The following RBFOX2 variants were observed in gnomAD, a reference collection of about 807,000 sequenced individuals.
The protein encoded by RBFOX2 is RNA binding protein fox-1 homolog 2.
A neutral mutation model predicts 49.1 loss-of-function variants in RBFOX2; 10 were observed. The ratio of observed to expected loss-of-function variants is 0.20; its 90% CI spans 0.13 to 0.35. The LOEUF (loss-of-function observed/expected upper bound fraction) is 0.35. RBFOX2 is among the 10% of genes least tolerant of loss of function. RBFOX2 has a pLI of 1.00. For missense variants in RBFOX2, 323 were observed against 486.9 expected (o/e 0.66, Z 3.17); for synonymous variants, 183 against 187.4 (o/e 0.98, Z 0.19).
intron 1 of RBFOX2, among the ~76,000 whole-genome samples, chr22:36,026,537 T>TACATAC (rs1556557810): frequency 7.4e-6 from 1 of 135,476 alleles, no homozygotes; most frequent in Non-Finnish European, 1.5e-5. Flanking sequence ...GATAAATGAA[T>TACATAC]ACATACACAC....
At chr22:35,900,006 C>T (rs2048372868) in intron 1 of RBFOX2, among the ~76,000 whole-genome samples, 1 of 152,154 alleles carries the variant, frequency 6.6e-6, no homozygotes, top group African/African-American at 2.4e-5. Context: ...TTCCTGAATT[C>T]CTACATCTCA....
intron 1 of RBFOX2, among the ~76,000 whole-genome samples, chr22:35,813,233 T>C (rs947715021): frequency 6.6e-6 from 1 of 152,218 alleles, no homozygotes. Context: ...TTTCCCCAAG[T>C]ATACATTATT....
intron 1 of RBFOX2, chr22:35,897,553 G>T: frequency 2.3e-6 from 2 of 873,774 alleles, no homozygotes; most frequent in Non-Finnish European, 3.9e-6. Flanking sequence ...TTTGCTGTGA[G>T]CCACAGCAAA....
At chr22:35,936,240 A>C (rs969591117) in intron 1 of RBFOX2, among the ~76,000 whole-genome samples, 47 of 149,766 alleles carry the variant, frequency 3.1e-4, no homozygotes, top group Admixed American at 1.1e-3. Flanking sequence ...ACAACAACAA[A>C]AAAAAAAAAA....
intron 1 of RBFOX2, among the ~76,000 whole-genome samples, chr22:35,882,562 G>A (rs1431136553): frequency 6.6e-6 from 1 of 152,284 alleles, no homozygotes; most frequent in Non-Finnish European, 1.5e-5. Flanking sequence ...TATGCTGACG[G>A]GACTAATCCA....
At chr22:35,960,953 T>C (rs1603458811) in intron 1 of RBFOX2, among the ~76,000 whole-genome samples, 2 of 152,042 alleles carry the variant, frequency 1.3e-5, no homozygotes, top group East Asian at 1.9e-4. Flanking sequence ...GGTTCTGTTA[T>C]ATTTGTTTAA....
rs558985151 is a variant in RBFOX2, at chr22:35,917,022, G to T, written c.-34+21825C>A. On this transcript the variant is annotated intron_variant, in intron 1 of 13. Transcript: ENST00000359369. The stretch of plus-strand genomic sequence containing the variant: ...GGACCATAAAACAACTTCTATAAAG[G>T]AATAACACGGCCATCTGACAACCTT... Among the ~76,000 whole-genome samples, 17 of 152,250 alleles carry T rather than the reference G, an allele frequency of 1.1e-4. 1 individual carries two copies. The South Asian group carries it at 3.3e-3, about 30-fold the overall frequency.
chr22:35,765,364 T>TA, intron 6 of RBFOX2, 59 bp downstream of exon 7: 2 of 1,261,574 alleles, frequency 1.6e-6, no homozygotes, highest in Non-Finnish European at 2.2e-6. Context: ...TAGAAGTTTA[T>TA]AAAAACTTCA....
chr22:35,891,164 C>T (rs2047191414), intron 1 of RBFOX2, among the ~76,000 whole-genome samples: 2 of 151,408 alleles, frequency 1.3e-5, no homozygotes. Context: ...ACTATGTCTT[C>T]GCTCTGTTGC....
rs141606407 is a variant in RBFOX2, at chr22:35,813,767, G to C, written c.28-3763C>G. ...TGAAGTGTTAAACATTTATGAAATA[G>C]AGGAAGACTGAGATAGAAAGTCAGG... On this transcript the variant is annotated intron_variant, in intron 1 of 11. Transcript: ENST00000405409. Among the ~76,000 whole-genome samples, 36 of 152,336 alleles carry C rather than the reference G, an allele frequency of 2.4e-4. No homozygotes were observed. In the East Asian group the frequency reaches 6.9e-3, roughly 29 times the overall value.
chr22:35,810,156 C>A, intron 1 of RBFOX2, 152 bp from the exon 3 acceptor site: 1 of 662,018 alleles, frequency 1.5e-6, no homozygotes. Context: ...AATATTATTA[C>A]ACATACACAC....
At chr22:35,810,039 T>A (rs370852658) in intron 1 of RBFOX2, 35 bp from the exon 3 acceptor site, 760 of 1,596,286 alleles carry the variant, frequency 4.8e-4, no homozygotes, top group Non-Finnish European at 6.3e-4. Flanking sequence ...AAAAGTGACT[T>A]TGAATCCTTG....
intron 1 of RBFOX2, among the ~76,000 whole-genome samples, chr22:36,024,697 A>G (rs1285157868): frequency 1.3e-5 from 2 of 151,850 alleles, no homozygotes; most frequent in Non-Finnish European, 2.9e-5. Flanking sequence ...GCTGAGATCA[A>G]GCCACTGCAC....
chr22:35,952,443 T>G (rs114629856), intron 1 of RBFOX2, among the ~76,000 whole-genome samples: 163 of 152,328 alleles, frequency 1.1e-3, no homozygotes, highest in African/African-American at 3.7e-3. Flanking sequence ...GACACAAAGA[T>G]GAATAAGGCC....
chr22:35,942,531 A>T (rs1801956457), upstream of RBFOX2, among the ~76,000 whole-genome samples: 1 of 152,052 alleles, frequency 6.6e-6, no homozygotes, highest in Non-Finnish European at 1.5e-5. Context: ...ATTATTGCAA[A>T]ATTTCAACAT....
intron 2 of RBFOX2, among the ~76,000 whole-genome samples, chr22:35,801,228 C>T (rs948384728): frequency 1.3e-5 from 2 of 152,056 alleles, no homozygotes; most frequent in South Asian, 2.1e-4. Context: ...TAAATAACAA[C>T]GCTTCCTGTC....
chr22:35,980,735 C>T (rs909967575), intron 1 of RBFOX2, among the ~76,000 whole-genome samples: 1 of 151,978 alleles, frequency 6.6e-6, no homozygotes, highest in Non-Finnish European at 1.5e-5. Context: ...AGAGGAAGAC[C>T]CAATAGTAAA....
chr22:35,925,468 A>G (rs762974509), intron 1 of RBFOX2, among the ~76,000 whole-genome samples: 3 of 152,152 alleles, frequency 2.0e-5, no homozygotes, highest in African/African-American at 4.8e-5. Flanking sequence ...CAGGAGTTCG[A>G]GGCTCCGCCA....
chr22:35,897,324 G>C, intron 1 of RBFOX2: 1 of 1,456,704 alleles, frequency 6.9e-7, no homozygotes, highest in Non-Finnish European at 9.6e-7. Flanking sequence ...CCAGCAGTAA[G>C]TGTGATGAAG....
Sources: gnomAD v4.1 joint callset for allele counts (sites outside exome capture counted in the v4.1 genomes callset) on GRCh38, gnomAD v4.1.1 for gene constraint, MANE v1.5 for transcripts, NCBI Gene and HGNC (gene_info 2026-07-23, HGNC 2026-07-21) for gene names.